The following ATP5F1A variants were observed in gnomAD, a reference collection of about 807,000 sequenced individuals.
ATP5F1A encodes ATP synthase F(1) complex subunit alpha, mitochondrial.
In ATP5F1A, 24 loss-of-function variants were observed where a neutral mutation model predicts 57.4. The ratio of observed to expected loss-of-function variants is 0.42; its 90% confidence interval spans 0.30 to 0.59. The LOEUF is 0.59. Among genes scored for constraint, ATP5F1A ranks in the 20% least tolerant of loss-of-function variants. The pLI is 0.19. For synonymous variants in ATP5F1A, 251 were observed against 255.5 expected (o/e 0.98, Z 0.17); for missense variants, 494 against 707.9 (o/e 0.70, Z 3.43).
At chr18:46,100,267 A>AG (rs917209924), upstream of ATP5F1A, among the ~76,000 whole-genome samples, 4 of 150,876 alleles carry the variant, frequency 2.7e-5, no homozygotes, top group Non-Finnish European at 5.9e-5. Flanking sequence ...AAAAAAAAAA[A>AG]AAAAAGAAAG....
intron 3 of ATP5F1A, 59 bp from the exon 4 acceptor site, chr18:46,090,055 C>G: frequency 4.2e-6 from 3 of 719,808 alleles, no homozygotes; most frequent in Non-Finnish European, 5.9e-6. Context: ...TCCCCATACA[C>G]CAATACTACA....
upstream of ATP5F1A, chr18:46,098,313 G>T: frequency 6.7e-7 from 1 of 1,489,670 alleles, no homozygotes; most frequent in Non-Finnish European, 9.0e-7. Context: ...CCGCAAAGAA[G>T]GTCAAGACAG....
chr18:46,086,286 CTCAG>C lies in ATP5F1A; in HGVS notation c.1285-33_1285-30del, dbSNP rs759565511. 1.9e-6 allele frequency: 3 copies of C among 1,613,418 alleles called. No individual in the cohort carries two copies. In the African/African-American group the frequency reaches 4.0e-5, roughly 22 times the overall value. The stretch of plus-strand genomic sequence containing the variant: ...CAATACAGAAATTACTGTACTGTAA[CTCAG>C]TGACACAGAGCACTATACAAATATA... On this transcript the variant is annotated intron_variant, in intron 9 of 11. Coordinates refer to ENST00000398752, the MANE Select transcript of ATP5F1A (RefSeq NM_004046.6).
chr18:46,087,551 T>C, intron 6 of ATP5F1A, 59 bp from the exon 7 acceptor site: 1 of 1,572,878 alleles, frequency 6.4e-7, no homozygotes, highest in Non-Finnish European at 8.7e-7. Flanking sequence ...GAGGCTACTA[T>C]AAAAATTACC....
rs1438505893 is a variant in ATP5F1A, at chr18:46,080,783, AT to A, written c.*3498del. ...GCCTGGGCTATCATATTCTTTAAAA[AT>A]ATCACATATTTTTAAATGTGATATT... On this transcript the variant is annotated 3_prime_UTR_variant, in exon 12 of 12. Transcript: ENST00000398752. The A allele has an allele frequency of 6.6e-6, 1 of 152,032 alleles. No homozygotes were observed. Among genetic ancestry groups the A allele is most frequent in the East Asian group, 1.9e-4 (1 of 5,152 alleles). The allele number at this position is 152,032 out of a possible 1,614,324, so 9.4% of individuals were successfully genotyped here. A position where few individuals can be genotyped will look rare whatever the true frequency, so the allele number is the denominator to read the frequency against.
rs571724666 is a variant in ATP5F1A, at chr18:46,085,124, TAAG to T, written c.1430-473_1430-471del. 2.3e-3 allele frequency: 347 copies of T among 152,320 alleles called. 1 individual carries two copies. The highest frequency in any genetic ancestry group is 4.1e-3 in the Non-Finnish European group (279 of 68,168). The allele number at this position is 152,320 out of a possible 1,614,324, so 9.4% of individuals were successfully genotyped here. On this transcript the variant is annotated intron_variant, in intron 10 of 11. Coordinates refer to ENST00000398752, the MANE Select transcript of ATP5F1A (RefSeq NM_004046.6). ...CCTATCATTTACACTCAAATGATAA[TAAG>T]AAATGTAGTTTGGGCCGGGCATGGT... is the stretch of plus-strand genomic sequence containing the variant.
upstream of ATP5F1A, chr18:46,099,443 T>C (rs1911199510): frequency 6.6e-6 from 1 of 152,096 alleles, no homozygotes; most frequent in Non-Finnish European, 1.5e-5. Context: ...CTTTTCTTTT[T>C]TTTTTATTTA....
chr18:46,092,008 C>T lies in ATP5F1A; in HGVS notation c.140-157G>A, dbSNP rs996592216. 4 of 527,480 alleles carry T rather than the reference C, an allele frequency of 7.6e-6. No individual in the cohort carries two copies. In the African/African-American group the frequency reaches 7.9e-5, roughly 10 times the overall value. 32.7% of individuals were successfully genotyped at this position (527,480 alleles called of 1,614,324 possible). On this transcript the variant is annotated intron_variant, in intron 2 of 11. Coordinates refer to ENST00000398752, the MANE Select transcript of ATP5F1A (RefSeq NM_004046.6). ...ACCAACATGGAGAACCCTGTCTCTA[C>T]TAAAAATACAAAATTAGCTGGGCAT...
chr18:46,095,062 G>A lies in ATP5F1A; in HGVS notation c.130C>T (p.Gln44Ter). Reference protein sequence around the residue: ...RNFHASNTHLQKTGTAEMSSI... With the variant: ...RNFHASNTHL ...AGAAATAATAACTTACCAGTCTTTT[G>A]AAGATGAGTGTTAGAGGCATGGAAG... The change falls in exon 2 of 12, where the codon CAA (glutamine) becomes TAA (stop). Residue 44 changes from glutamine to a stop codon, truncating the protein, a stop_gained. Coordinates refer to ENST00000398752, the MANE Select transcript of ATP5F1A (RefSeq NM_004046.6). LOFTEE classifies it high-confidence loss of function. 1 of 1,611,184 alleles carries A rather than the reference G, an allele frequency of 6.2e-7. No individual in the cohort carries two copies. The highest frequency in any genetic ancestry group is 2.2e-5 in the East Asian group (1 of 44,836).
At chr18:46,102,001 T>C (rs1439982013), upstream of ATP5F1A, among the ~76,000 whole-genome samples, 2 of 151,864 alleles carry the variant, frequency 1.3e-5, no homozygotes, top group Middle Eastern at 3.4e-3. Context: ...GGTGAAACCC[T>C]GTCTCTACTA....
At position 46,087,481 on chromosome 18, in the gene ATP5F1A, A is replaced by C; in HGVS notation, c.811T>G (p.Tyr271Asp). The change falls in exon 7 of 12, where the codon TAC becomes GAC. Residue 271 changes from tyrosine to aspartate, a missense_variant. Tyr to Asp is a radical substitution (Grantham distance 160, BLOSUM62 -3). Transcript: ENST00000398752. ...KRLTDADAMK[Y>D]TIVVSATASD... The stretch of plus-strand genomic sequence containing the variant: ...GCCGTAGCCGACACCACAATGGTGT[A>C]CTTCATGGCATCTGAGAAAATATAT... The C allele has an allele frequency of 6.2e-7, 1 of 1,612,694 alleles. No individual in the cohort carries two copies. The highest frequency in any genetic ancestry group is 8.5e-7 in the Non-Finnish European group (1 of 1,179,714).
At chr18:46,090,793 T>G (rs1408371401) in intron 3 of ATP5F1A, among the ~76,000 whole-genome samples, 2 of 152,218 alleles carry the variant, frequency 1.3e-5, no homozygotes, top group East Asian at 1.9e-4. Flanking sequence ...ACATTTTACA[T>G]GATTAATAGT....
At chr18:46,085,874 A>C in intron 10 of ATP5F1A, 1 of 467,868 alleles carries the variant, frequency 2.1e-6, no homozygotes, top group Non-Finnish European at 3.7e-6. Context: ...TGGAGGTTGC[A>C]ATGAGCCAAG....
chr18:46,100,176 G>A (rs934802540), upstream of ATP5F1A, among the ~76,000 whole-genome samples: 1 of 150,086 alleles, frequency 6.7e-6, no homozygotes. Flanking sequence ...GCTTTAACCC[G>A]GGAGGCAGAA....
At chr18:46,090,838 A>G (rs200290496) in intron 3 of ATP5F1A, among the ~76,000 whole-genome samples, 1 of 152,228 alleles carries the variant, frequency 6.6e-6, no homozygotes, top group African/African-American at 2.4e-5. Flanking sequence ...AACAGCACAG[A>G]TGTATTCTCA....
At position 46,085,890 on chromosome 18, in the gene ATP5F1A, G is replaced by A. The variant is rs144816544; in HGVS notation, c.1429+223C>T. On this transcript the variant is annotated intron_variant, in intron 10 of 11. Transcript: ENST00000398752. ...GGAGGTTGCAATGAGCCAAGGTTGC[G>A]CCATTGCACTTCAGCCTAGGCCGTA... 1,640 of 519,770 alleles carry A rather than the reference G, an allele frequency of 3.2e-3. 5 individuals are homozygous for A. The highest frequency in any genetic ancestry group is 4.8e-3 in the Non-Finnish European group (1,460 of 303,760). The allele number at this position is 519,770 out of a possible 1,614,324, so 32.2% of individuals were successfully genotyped here. A position where few individuals can be genotyped will look rare whatever the true frequency, so the allele number is the denominator to read the frequency against.
At chr18:46,084,393 T>G (rs1413233950) in intron 11 of ATP5F1A, 30 bp from the exon 12 acceptor site, 1 of 1,601,110 alleles carries the variant, frequency 6.2e-7, no homozygotes, top group Non-Finnish European at 8.5e-7. Flanking sequence ...GGTCGTAAGT[T>G]CTGACCTGGA....
chr18:46,092,921 G>T (rs1910671137), intron 2 of ATP5F1A, among the ~76,000 whole-genome samples: 1 of 151,964 alleles, frequency 6.6e-6, no homozygotes. Context: ...GCCAAAGGGG[G>T]TGGATCACTT....
In ATP5F1A at chr18:46,083,847, G is replaced by A. The variant is rs60700853; in HGVS notation, c.*435C>T. 6,459 of 153,470 alleles carry A rather than the reference G, an allele frequency of 0.042. 446 individuals carry two copies. The highest frequency in any genetic ancestry group is 0.14 in the African/African-American group (5,938 of 41,492). The allele number at this position is 153,470 out of a possible 1,614,324, so 9.5% of individuals were successfully genotyped here. A position where few individuals can be genotyped will look rare whatever the true frequency, so the allele number is the denominator to read the frequency against. The stretch of plus-strand genomic sequence containing the variant: ...AAAAATACTAAAAAACTAGCCAGGC[G>A]TGGTGGTGGGCACCTGTAATCCCAG... On this transcript the variant is annotated 3_prime_UTR_variant, in exon 12 of 12. Transcript: ENST00000398752.
Sources: allele counts gnomAD v4.1 joint callset (sites outside exome capture counted in the v4.1 genomes callset), GRCh38; gene constraint gnomAD v4.1.1; transcripts MANE v1.5; gene names NCBI Gene and HGNC (gene_info 2026-07-23, HGNC 2026-07-21).